RABGAP1L: variants seen among roughly 807,000 people sequenced by gnomAD.
RABGAP1L encodes rab GTPase-activating protein 1-like.
Under a neutral mutation model 137.7 loss-of-function variants are expected in RABGAP1L, and 63 were observed. That is an observed-to-expected ratio of 0.46 (90% CI 0.37 to 0.56). RABGAP1L has a LOEUF of 0.56. Among genes scored for constraint, RABGAP1L ranks in the 20% least tolerant of loss-of-function variants. The pLI is 0.00. For synonymous variants in RABGAP1L, 431 were observed against 433.7 expected (o/e 0.99, Z 0.08); for missense variants, 1,095 against 1,244.0 (o/e 0.88, Z 1.80).
intron 10 of RABGAP1L, among the ~76,000 whole-genome samples, chr1:174,295,250 G>A (rs931393084): frequency 6.8e-6 from 1 of 147,124 alleles, no homozygotes; most frequent in Non-Finnish European, 1.5e-5. Context: ...AAGTCTCACT[G>A]TTGTACATGC....
intron 18 of RABGAP1L, among the ~76,000 whole-genome samples, chr1:174,787,700 A>T (rs1019284536): frequency 6.6e-6 from 1 of 152,284 alleles, no homozygotes; most frequent in Middle Eastern, 3.4e-3. Flanking sequence ...GCATGATCAA[A>T]TGTTTTGTTT....
intron 17 of RABGAP1L, among the ~76,000 whole-genome samples, chr1:174,705,036 T>A (rs183841819): frequency 1.3e-5 from 2 of 152,278 alleles, no homozygotes; most frequent in Admixed American, 1.3e-4. Flanking sequence ...TTTTGAGTTA[T>A]ATATAGTATG....
intron 13 of RABGAP1L, among the ~76,000 whole-genome samples, chr1:174,605,080 G>A (rs1184328191): frequency 6.6e-6 from 1 of 152,178 alleles, no homozygotes; most frequent in East Asian, 1.9e-4. Context: ...GGCAGAGGTT[G>A]CAGTGAGCTG....
chr1:174,909,065 G>C (rs1018079392), intron 19 of RABGAP1L, among the ~76,000 whole-genome samples: 26 of 150,926 alleles, frequency 1.7e-4, no homozygotes, highest in African/African-American at 5.8e-4. Context: ...TGTAGTCCCA[G>C]CTAATTGGGA....
chr1:174,537,918 A>G (rs1014436876), intron 13 of RABGAP1L, among the ~76,000 whole-genome samples: 4 of 152,176 alleles, frequency 2.6e-5, no homozygotes, highest in African/African-American at 9.6e-5. Flanking sequence ...GGGCTCACCC[A>G]GTTAGTTACT....
chr1:174,623,902 G>A (rs1009567536), intron 13 of RABGAP1L, among the ~76,000 whole-genome samples: 2 of 152,126 alleles, frequency 1.3e-5, no homozygotes, highest in Admixed American at 1.3e-4. Context: ...CTTTGAGTAA[G>A]GTTAATTTTT....
intron 11 of RABGAP1L, among the ~76,000 whole-genome samples, chr1:174,369,196 A>AT (rs1050657400): frequency 2.6e-4 from 39 of 148,438 alleles, no homozygotes; most frequent in African/African-American, 5.4e-4. Flanking sequence ...TTCCAGAATA[A>AT]TTTTTTTTTT....
At chr1:174,982,148 T>A (rs1346403890) in intron 23 of RABGAP1L, among the ~76,000 whole-genome samples, 1 of 151,922 alleles carries the variant, frequency 6.6e-6, no homozygotes, top group African/African-American at 2.4e-5. Context: ...CACCTTTTTT[T>A]AATACCTTAA....
intron 13 of RABGAP1L, among the ~76,000 whole-genome samples, chr1:174,529,894 G>C (rs1664239204): frequency 6.6e-6 from 1 of 152,116 alleles, no homozygotes; most frequent in Admixed American, 6.5e-5. Context: ...GTAGTGTTCA[G>C]ATGCCAACAA....
intron 11 of RABGAP1L, 30 bp downstream of exon 11, chr1:174,305,157 T>C (rs746624799): frequency 6.3e-5 from 95 of 1,499,948 alleles, no homozygotes; most frequent in Non-Finnish European, 8.3e-5. Context: ...CAGTTTATTC[T>C]GTCTGTATAG....
intron 19 of RABGAP1L, chr1:174,897,993 A>AG (rs1417085845): frequency 4.7e-4 from 71 of 151,700 alleles, no homozygotes; most frequent in African/African-American, 1.6e-3. Flanking sequence ...AAAAAAAAAA[A>AG]AAAGAAAAGG....
At chr1:174,809,608 G>A (rs1689665047) in intron 18 of RABGAP1L, among the ~76,000 whole-genome samples, 1 of 152,194 alleles carries the variant, frequency 6.6e-6, no homozygotes, top group Non-Finnish European at 1.5e-5. Flanking sequence ...CAGGTAACTA[G>A]AGGTTAATTG....
rs1370796122 is a variant in RABGAP1L at position 174,667,793 on chromosome 1, A to G, written c.1825-15729A>G. Among the ~76,000 whole-genome samples, 3 of 152,108 alleles carry G rather than the reference A, an allele frequency of 2.0e-5. No homozygotes were observed. The East Asian group carries it at 5.8e-4, about 29-fold the overall frequency. ...CTGAGCTTCCATGTATCTTCTATAT[A>G]TCTCTCACTGTGCACTATTTCATTG... On this transcript the variant is annotated intron_variant, in intron 14 of 25. Coordinates refer to ENST00000681986, the MANE Select transcript of RABGAP1L (RefSeq NM_001366446.1).
chr1:174,978,905 T>G lies in RABGAP1L; in HGVS notation c.2733+15T>G, dbSNP rs1399502743. 1 of 1,493,612 alleles carries G rather than the reference T, an allele frequency of 6.7e-7. No homozygotes were observed. The highest frequency in any genetic ancestry group is 1.4e-5 in the African/African-American group (1 of 69,088). 92.5% of individuals were successfully genotyped at this position (1,493,612 alleles called of 1,614,324 possible). A position where few individuals can be genotyped will look rare whatever the true frequency, so the allele number is the denominator to read the frequency against. On this transcript the variant is annotated intron_variant, in intron 23 of 25. Coordinates refer to ENST00000681986, the MANE Select transcript of RABGAP1L (RefSeq NM_001366446.1). ...AGTATAAACAGGTAATGTACTTCTG[T>G]GGCACATAGAGCTAGTTATAGTTTG...
At chr1:174,676,138 C>T (rs1677606986) in intron 14 of RABGAP1L, among the ~76,000 whole-genome samples, 1 of 152,072 alleles carries the variant, frequency 6.6e-6, no homozygotes, top group South Asian at 2.1e-4. Flanking sequence ...TGACCTTATC[C>T]ATAAAATATT....
chr1:174,340,172 G>C (rs963112965), intron 11 of RABGAP1L, among the ~76,000 whole-genome samples: 2 of 152,160 alleles, frequency 1.3e-5, no homozygotes. Flanking sequence ...AATGTAAAGA[G>C]ACATTGCCAA....
chr1:174,475,360 T>C (rs2149317465), intron 13 of RABGAP1L, among the ~76,000 whole-genome samples: 1 of 152,292 alleles, frequency 6.6e-6, no homozygotes. Context: ...TTGGCAGTTA[T>C]TTTATATCTT....
At chr1:174,750,548 T>C (rs1345058773) in intron 17 of RABGAP1L, among the ~76,000 whole-genome samples, 1 of 152,028 alleles carries the variant, frequency 6.6e-6, no homozygotes, top group East Asian at 1.9e-4. Context: ...ATGTAAGGAA[T>C]TTGGGGGGAA....
intron 1 of RABGAP1L, among the ~76,000 whole-genome samples, chr1:174,169,853 C>T (rs527468912): frequency 1.3e-5 from 2 of 151,922 alleles, no homozygotes; most frequent in Admixed American, 1.3e-4. Context: ...ACCCACCACA[C>T]TCTGCTAATT....
Sources: allele counts gnomAD v4.1 joint callset (sites outside exome capture counted in the v4.1 genomes callset), GRCh38; gene constraint gnomAD v4.1.1; transcripts MANE v1.5; gene names NCBI Gene and HGNC (gene_info 2026-07-23, HGNC 2026-07-21).